CYP2C18: variants seen among roughly 807,000 people sequenced by gnomAD.
CYP2C18 encodes cytochrome P450 family 2 subfamily C member 18.
A neutral mutation model predicts 41.3 loss-of-function variants in CYP2C18; 38 were observed. The ratio of observed to expected loss-of-function variants is 0.92; its 90% CI spans 0.71 to 1.21. The LOEUF is 1.21. Among genes scored for constraint, CYP2C18 ranks in the 50% most tolerant of loss-of-function variants. CYP2C18 has a pLI of 0.00. For missense variants in CYP2C18, 635 were observed against 591.4 expected, an observed-to-expected ratio of 1.07 and a Z score of -0.77; for synonymous variants, 236 against 210.0, an observed-to-expected ratio of 1.12 and a Z score of -1.07.
At chr10:94,690,016 CCT>C (rs1279360039) in intron 3 of CYP2C18, among the ~76,000 whole-genome samples, 1 of 152,112 alleles carries the variant, frequency 6.6e-6, no homozygotes, top group Admixed American at 6.6e-5. Flanking sequence ...GCTCTTGCTG[CCT>C]CCTGACCAAC....
At chr10:94,725,425 A>G (rs1321785891) in intron 7 of CYP2C18, among the ~76,000 whole-genome samples, 1 of 151,544 alleles carries the variant, frequency 6.6e-6, no homozygotes. Context: ...TATTTATTTT[A>G]TTTCTTATTT....
At chr10:94,712,483 T>A (rs760236394) in intron 5 of CYP2C18, among the ~76,000 whole-genome samples, 2 of 152,100 alleles carry the variant, frequency 1.3e-5, no homozygotes, top group African/African-American at 4.8e-5. Context: ...AGCATAATGT[T>A]CTCCAGTTCC....
intron 5 of CYP2C18, among the ~76,000 whole-genome samples, chr10:94,717,386 A>G (rs12783509): frequency 0.18 from 26,843 of 152,006 alleles, 2,614 homozygotes; most frequent in South Asian, 0.33. Context: ...GGTGGTGACA[A>G]AATCTCTCAG....
chr10:94,694,851 G>C, intron 3 of CYP2C18, 66 bp from the exon 4 acceptor site: 4 of 1,519,396 alleles, frequency 2.6e-6, no homozygotes, highest in South Asian at 2.4e-5. Context: ...ACTTTTTCCT[G>C]TATCAAAGAC....
intron 4 of CYP2C18, among the ~76,000 whole-genome samples, chr10:94,701,384 C>G (rs1847241463): frequency 6.6e-6 from 1 of 152,068 alleles, no homozygotes; most frequent in Non-Finnish European, 1.5e-5. Flanking sequence ...AAACCAAACA[C>G]TGCATGTTCT....
intron 7 of CYP2C18, among the ~76,000 whole-genome samples, chr10:94,725,539 A>AT (rs1385976084): frequency 1.3e-5 from 2 of 152,104 alleles, no homozygotes; most frequent in African/African-American, 4.8e-5. Context: ...CTTGTTTCAT[A>AT]TATGATGTTC....
In CYP2C18 at chr10:94,687,891, G is replaced by A. The variant is rs1278639064; in HGVS notation, c.290G>A (p.Arg97Lys). Reference sequence around the variant, plus strand: ...GATCATGGAGAGGAGTTTTCTGGAAGAGGAAGTTTTCCAGTGGCTGAAAAA... The same window carrying A: ...GATCATGGAGAGGAGTTTTCTGGAAAAGGAAGTTTTCCAGTGGCTGAAAAA... ...LIDHGEEFSG[R>K]GSFPVAEKVN... The change falls in exon 2 of 9, where the codon AGA (arginine) becomes AAA (lysine). Residue 97 changes from arginine (R) to lysine (K), a missense_variant. Physicochemically the swap from Arg to Lys is conservative, Grantham distance 26 (BLOSUM62 2). Coordinates refer to ENST00000285979, the MANE Select transcript of CYP2C18 (RefSeq NM_000772.3). 10 of 1,613,828 alleles carry A rather than the reference G, an allele frequency of 6.2e-6. No individual in the cohort carries two copies. Among genetic ancestry groups the A allele is most frequent in the Non-Finnish European group, 8.5e-6 (10 of 1,179,792 alleles).
chr10:94,706,585 C>T (rs2296683), intron 4 of CYP2C18, among the ~76,000 whole-genome samples, 199 bp from the exon 5 acceptor site: 6 of 151,934 alleles, frequency 3.9e-5, no homozygotes, highest in Non-Finnish European at 7.4e-5. Context: ...AAATTATCAT[C>T]TTTGATCCCT....
At chr10:94,721,748 A>G (rs1327246642) in intron 6 of CYP2C18, among the ~76,000 whole-genome samples, 1 of 152,068 alleles carries the variant, frequency 6.6e-6, no homozygotes, top group South Asian at 2.1e-4. Flanking sequence ...ACTTAGGATA[A>G]TGGCTTCTAG....
intron 1 of CYP2C18, among the ~76,000 whole-genome samples, chr10:94,684,967 T>G (rs994845151): frequency 6.6e-6 from 1 of 152,134 alleles, no homozygotes; most frequent in East Asian, 1.9e-4. Context: ...TTAAAAAATA[T>G]ATCTTGGCCA....
intron 3 of CYP2C18, among the ~76,000 whole-genome samples, chr10:94,689,577 T>C (rs759818118): frequency 1.3e-5 from 2 of 152,124 alleles, no homozygotes; most frequent in South Asian, 4.1e-4. Context: ...CAGTAAGGCA[T>C]TGGTTCTAGG....
intron 1 of CYP2C18, among the ~76,000 whole-genome samples, chr10:94,685,057 G>T (rs914915239): frequency 6.6e-6 from 1 of 151,580 alleles, no homozygotes; most frequent in Admixed American, 6.6e-5. Flanking sequence ...AATTAATAGA[G>T]ACAGGGTTTT....
chr10:94,735,261 A>T lies in CYP2C18; in HGVS notation c.1292-2A>T. 1 of 1,613,256 alleles carries T rather than the reference A, an allele frequency of 6.2e-7. No homozygotes were observed. The highest frequency in any genetic ancestry group is 8.5e-7 in the Non-Finnish European group (1 of 1,179,484). On this transcript the variant is annotated splice_acceptor_variant, in intron 8 of 8. Transcript: ENST00000285979. LOFTEE classifies it high-confidence loss of function. Reference sequence around the variant, plus strand: ...CAAATCCCCTATGTCTCTTATTTTCAGGAAAACGGATGTGTATGGGAGAGG... The same window carrying T: ...CAAATCCCCTATGTCTCTTATTTTCTGGAAAACGGATGTGTATGGGAGAGG...
intron 5 of CYP2C18, among the ~76,000 whole-genome samples, chr10:94,711,369 C>T (rs1484492879): frequency 2.0e-5 from 3 of 152,010 alleles, no homozygotes; most frequent in East Asian, 1.9e-4. Flanking sequence ...TGCACATTTC[C>T]GAGTTCATAA....
intron 4 of CYP2C18, among the ~76,000 whole-genome samples, chr10:94,701,225 T>A (rs1388477975): frequency 6.6e-6 from 1 of 152,090 alleles, no homozygotes; most frequent in Non-Finnish European, 1.5e-5. Flanking sequence ...ACACCAAATA[T>A]CCAACAATGA....
intron 1 of CYP2C18, among the ~76,000 whole-genome samples, chr10:94,687,533 G>A (rs977372419): frequency 6.6e-6 from 1 of 152,178 alleles, no homozygotes; most frequent in African/African-American, 2.4e-5. Flanking sequence ...ACAAGGTGTT[G>A]ATGTGATGAT....
chr10:94,712,008 A>ATTTTT (rs35672164), intron 5 of CYP2C18, among the ~76,000 whole-genome samples: 83 of 97,864 alleles, frequency 8.5e-4, no homozygotes, highest in South Asian at 2.5e-3. Context: ...TGCCCAACTA[A>ATTTTT]TTTTTTTTTT....
chr10:94,718,953 G>A (rs897897483), intron 5 of CYP2C18, among the ~76,000 whole-genome samples: 1 of 152,132 alleles, frequency 6.6e-6, no homozygotes, highest in Non-Finnish European at 1.5e-5. Flanking sequence ...GTGCCTGGGT[G>A]AGGTTGGTGC....
At chr10:94,725,839 A>G (rs1454081188) in intron 7 of CYP2C18, among the ~76,000 whole-genome samples, 5 of 152,140 alleles carry the variant, frequency 3.3e-5, no homozygotes, top group Non-Finnish European at 5.9e-5. Context: ...GTTTGAACTT[A>G]TATTTACAAG....
Sources: gnomAD v4.1 joint callset for allele counts (sites outside exome capture counted in the v4.1 genomes callset) on GRCh38, gnomAD v4.1.1 for gene constraint, MANE v1.5 for transcripts, NCBI Gene and HGNC (gene_info 2026-07-23, HGNC 2026-07-21) for gene names.